TWIST2: variants seen among roughly 807,000 people sequenced by gnomAD.
The protein encoded by TWIST2 is twist family bHLH transcription factor 2, also known as twist-related protein 2.
A neutral mutation model predicts 11.6 loss-of-function variants in TWIST2; 1 was observed. That is an observed-to-expected ratio of 0.09 (90% confidence interval 0.03 to 0.41). TWIST2 has a LOEUF of 0.41. Ranked by LOEUF, TWIST2 falls within the 10% of genes least tolerant of loss-of-function variation. TWIST2 has a pLI of 0.98. For synonymous variants in TWIST2, 87 were observed against 96.6 expected (o/e 0.90, Z 0.58); for missense variants, 168 against 226.4 (o/e 0.74, Z 1.66).
At chr2:238,865,704 T>G (rs1574751317) in intron 1 of TWIST2, among the ~76,000 whole-genome samples, 1 of 146,174 alleles carries the variant, frequency 6.8e-6, no homozygotes, top group Non-Finnish European at 1.5e-5. Context: ...TTTTTTTTTT[T>G]GCTGTGGCAT....
At chr2:238,891,857 C>T (rs1693139526) in intron 1 of TWIST2, among the ~76,000 whole-genome samples, 1 of 152,070 alleles carries the variant, frequency 6.6e-6, no homozygotes, top group Admixed American at 6.5e-5. Flanking sequence ...CTGCGGAGTC[C>T]GCGGGGATGT....
chr2:238,902,200 T>G (rs1693275609), intron 1 of TWIST2, among the ~76,000 whole-genome samples: 2 of 150,696 alleles, frequency 1.3e-5, no homozygotes. Flanking sequence ...GAGAGAGAGA[T>G]ATGGGGTATG....
At chr2:238,853,559 G>A (rs1002364288) in intron 1 of TWIST2, among the ~76,000 whole-genome samples, 2 of 152,042 alleles carry the variant, frequency 1.3e-5, no homozygotes, top group Non-Finnish European at 2.9e-5. Flanking sequence ...TTGTTTGGTA[G>A]TAACCCTTTG....
chr2:238,864,280 G>A lies in TWIST2; in HGVS notation c.*35+15547G>A, dbSNP rs187284795. Reference sequence around the variant, plus strand: ...AAGCACGCGACTGTGAGCGGCGATCGGGGCCTGATCCTCAGTTCGAAGACA... The same window carrying A: ...AAGCACGCGACTGTGAGCGGCGATCAGGGCCTGATCCTCAGTTCGAAGACA... On this transcript the variant is annotated intron_variant, in intron 1 of 1. Transcript: ENST00000612363. The surrounding 1 kb of genome is among the most constrained non-coding windows in gnomAD (Gnocchi z 4.7). Among the ~76,000 whole-genome samples the A allele has an allele frequency of 6.9e-4, 105 of 152,294 alleles. No individual in the cohort carries two copies. The highest frequency in any genetic ancestry group is 1.1e-3 in the Non-Finnish European group (73 of 68,024).
At chr2:238,873,075 C>A (rs1194878153) in intron 1 of TWIST2, among the ~76,000 whole-genome samples, 1 of 152,236 alleles carries the variant, frequency 6.6e-6, no homozygotes, top group African/African-American at 2.4e-5. Context: ...CATAACACTG[C>A]ATGTAGCTGT....
chr2:238,854,197 G>A (rs1357143341), intron 1 of TWIST2, among the ~76,000 whole-genome samples: 1 of 152,110 alleles, frequency 6.6e-6, no homozygotes, highest in East Asian at 1.9e-4. Flanking sequence ...TATCACATTC[G>A]ATTATCCTGG....
intron 1 of TWIST2, among the ~76,000 whole-genome samples, chr2:238,868,656 C>T (rs1240816463): frequency 1.3e-5 from 2 of 152,186 alleles, no homozygotes; most frequent in East Asian, 1.9e-4. Context: ...TGGGACAAGC[C>T]GTGTTCCAAG....
At chr2:238,892,521 C>A (rs1025390985) in intron 1 of TWIST2, among the ~76,000 whole-genome samples, 1 of 152,140 alleles carries the variant, frequency 6.6e-6, no homozygotes, top group African/African-American at 2.4e-5. Context: ...TGCTCTGTCG[C>A]CCAGGCTGGA....
chr2:238,904,525 C>T (rs1354807543), intron 1 of TWIST2, among the ~76,000 whole-genome samples: 1 of 151,536 alleles, frequency 6.6e-6, no homozygotes, highest in Non-Finnish European at 1.5e-5. Context: ...CATGTGTGCT[C>T]ACCTCCCACC....
At chr2:238,885,141 T>A (rs1473750375) in intron 1 of TWIST2, among the ~76,000 whole-genome samples, 1 of 152,196 alleles carries the variant, frequency 6.6e-6, no homozygotes, top group Non-Finnish European at 1.5e-5. Context: ...GCTGCACCAC[T>A]GTGAGCATGA....
chr2:238,905,992 CGTGTGTGCGT>C (rs1256489312), intron 1 of TWIST2, among the ~76,000 whole-genome samples: 27,200 of 150,500 alleles, frequency 0.18, 2,566 homozygotes, highest in African/African-American at 0.23. Flanking sequence ...TGTACGTGCG[CGTGTGTGCGT>C]GTGCGTGTGT....
chr2:238,905,986 C>T (rs892572850), intron 1 of TWIST2, among the ~76,000 whole-genome samples: 12 of 141,448 alleles, frequency 8.5e-5, no homozygotes, highest in East Asian at 2.0e-4. Context: ...CGCGCGTGTA[C>T]GTGCGCGTGT....
chr2:238,904,996 GAAAGA>G (rs1693323636), intron 1 of TWIST2, among the ~76,000 whole-genome samples: 1 of 151,762 alleles, frequency 6.6e-6, no homozygotes, highest in Non-Finnish European at 1.5e-5. Context: ...AAAGAAGAAA[GAAAGA>G]AAAGAAAGGA....
chr2:238,858,514 G>A (rs1278416591), intron 1 of TWIST2, among the ~76,000 whole-genome samples: 1 of 152,184 alleles, frequency 6.6e-6, no homozygotes, highest in Non-Finnish European at 1.5e-5. Flanking sequence ...ATTGTCTTGT[G>A]TCTGGGGGAT....
intron 1 of TWIST2, among the ~76,000 whole-genome samples, chr2:238,849,834 C>G (rs930754381): frequency 1.3e-5 from 2 of 152,248 alleles, no homozygotes; most frequent in Non-Finnish European, 2.9e-5. Flanking sequence ...GAGCCCCTCT[C>G]TCATCCGCCA....
At chr2:238,885,350 C>CAAAGTGGT (rs1693014676) in intron 1 of TWIST2, among the ~76,000 whole-genome samples, 2 of 152,196 alleles carry the variant, frequency 1.3e-5, no homozygotes, top group Non-Finnish European at 2.9e-5. Context: ...TTAGTCCAGG[C>CAAAGTGGT]AAAGTGGTGG....
chr2:238,860,229 C>T (rs1242996528), intron 1 of TWIST2, among the ~76,000 whole-genome samples: 1 of 152,224 alleles, frequency 6.6e-6, no homozygotes, highest in African/African-American at 2.4e-5. Context: ...GTGCTGCTCC[C>T]AGAAGACAGG....
chr2:238,871,174 C>A (rs1405206857), intron 1 of TWIST2, among the ~76,000 whole-genome samples: 8 of 5,224 alleles, frequency 1.5e-3, no homozygotes, highest in Admixed American at 4.6e-3. Context: ...CACACACACA[C>A]CACACACCCC....
At chr2:238,860,040 G>A (rs1177557229) in intron 1 of TWIST2, among the ~76,000 whole-genome samples, 1 of 152,180 alleles carries the variant, frequency 6.6e-6, no homozygotes, top group Non-Finnish European at 1.5e-5. Context: ...TACCTGATGG[G>A]AAGACACACA....
Sources: allele counts gnomAD v4.1 joint callset (sites outside exome capture counted in the v4.1 genomes callset), GRCh38; gene constraint gnomAD v4.1.1; non-coding constraint Gnocchi (gnomAD v3.1); transcripts MANE v1.5; gene names NCBI Gene and HGNC (gene_info 2026-07-23, HGNC 2026-07-21).